CD58: variants seen among roughly 807,000 people sequenced by gnomAD.
CD58 encodes CD58 molecule.
A neutral mutation model predicts 27.6 loss-of-function variants in CD58; 14 were observed. The observed-to-expected ratio is 0.51, with a 90% CI of 0.34 to 0.79. The LOEUF (loss-of-function observed/expected upper bound fraction) is 0.79, where lower values mean the gene tolerates loss of function less well. CD58 is among the 30% of genes least tolerant of loss of function. The pLI is 0.02. For missense variants in CD58, 268 were observed against 301.7 expected (o/e 0.89, Z 0.83); for synonymous variants, 117 against 103.8 (o/e 1.13, Z -0.77).
intron 3 of CD58, among the ~76,000 whole-genome samples, chr1:116,525,236 C>T (rs1047021106): frequency 5.9e-5 from 9 of 152,204 alleles, no homozygotes; most frequent in Admixed American, 4.6e-4. Flanking sequence ...AATCTTTTTA[C>T]AGTCTCCACA....
rs574638673 is a variant in CD58 at position 116,541,468 on chromosome 1, G to A, written c.364+2843C>T. 6.6e-6 allele frequency among the ~76,000 whole-genome samples: 1 copy of A among 152,348 alleles called. No homozygotes were observed. The highest frequency in any genetic ancestry group is 2.4e-5 in the African/African-American group (1 of 41,594). ...GGCCATTAGAAAGTTCCACACAGAT[G>A]AGTGACATGATCTGACTTCTGTTTT... On this transcript the variant is annotated intron_variant, in intron 2 of 5. Transcript: ENST00000369489. This position sits in a 1 kb window ranked among gnomAD's most constrained non-coding sequence, Gnocchi z 5.3.
Position 116,552,657 on chromosome 1 carries a change from G to T in CD58, c.71-8053C>A, listed in dbSNP as rs1348867184. ...AATCTCCTTGAAATCAACTGGTATA[G>T]CTATACTTTATTCTTTTTAATAACT... On this transcript the variant is annotated intron_variant, in intron 1 of 5. Transcript: ENST00000369489. The surrounding 1 kb of genome is among the most constrained non-coding windows in gnomAD (Gnocchi z 4.5). Among the ~76,000 whole-genome samples, 1 of 152,138 alleles carries T rather than the reference G, an allele frequency of 6.6e-6. No individual in the cohort carries two copies. Among genetic ancestry groups the T allele is most frequent in the Non-Finnish European group, 1.5e-5 (1 of 68,034 alleles).
intron 2 of CD58, among the ~76,000 whole-genome samples, chr1:116,543,406 A>G (rs1012186511): frequency 5.3e-5 from 8 of 152,104 alleles, no homozygotes; most frequent in African/African-American, 1.9e-4. Flanking sequence ...AGAGGCGATC[A>G]AGGACAATAT....
rs1375123511 is a variant in CD58 at position 116,544,604 on chromosome 1, C to A, written c.71G>T (p.Gly24Val). 1.9e-6 allele frequency: 3 copies of A among 1,552,714 alleles called. No individual in the cohort carries two copies. The highest frequency in any genetic ancestry group is 2.2e-5 in the Admixed American group (1 of 46,170). ...LSVVCLLHCF[G>V]FISCFSQQIY... Reference sequence around the variant, plus strand: ...TTGTTGGGAAAAACAGCTGATGAAACCTAGGAGAGAAAAAAAAATTGGTTA... The same window carrying A: ...TTGTTGGGAAAAACAGCTGATGAAAACTAGGAGAGAAAAAAAAATTGGTTA... Residue 24 changes from glycine (G) to valine (V), a missense_variant and splice_region_variant, in exon 2 of 6, where the codon GGT (glycine) becomes GTT (valine). By Grantham distance (109) the Gly-to-Val change is moderately radical. Coordinates refer to ENST00000369489, the MANE Select transcript of CD58 (RefSeq NM_001779.3).
intron 1 of CD58, among the ~76,000 whole-genome samples, chr1:116,549,229 A>C (rs1658303807): frequency 6.6e-6 from 1 of 152,204 alleles, no homozygotes; most frequent in South Asian, 2.1e-4. Flanking sequence ...ACAATGCCCA[A>C]CTGCAACTGT....
At chr1:116,545,955 T>C (rs998773804) in intron 1 of CD58, among the ~76,000 whole-genome samples, 3 of 152,126 alleles carry the variant, frequency 2.0e-5, no homozygotes, top group African/African-American at 7.2e-5. Flanking sequence ...GGTGGTTGGA[T>C]TGCTTGAGTT....
rs1361934016 is a variant in CD58 at position 116,546,271 on chromosome 1, A to G, written c.71-1667T>C. Among the ~76,000 whole-genome samples the G allele has an allele frequency of 6.6e-6, 1 of 152,250 alleles. No individual in the cohort carries two copies. Among genetic ancestry groups the G allele is most frequent in the Admixed American group, 6.5e-5 (1 of 15,288 alleles). ...TAGTAGCAATTAGGGTAATTGAAATAATACAGGGGAAATCAAGAACACTGA... is the reference window on the plus strand; with the variant it reads ...TAGTAGCAATTAGGGTAATTGAAATGATACAGGGGAAATCAAGAACACTGA... On this transcript the variant is annotated intron_variant, in intron 1 of 5. Transcript: ENST00000369489. The surrounding 1 kb of genome is among the most constrained non-coding windows in gnomAD (Gnocchi z 4.1).
At chr1:116,565,714 GTTTTGTTT>G (rs761794366) in intron 1 of CD58, among the ~76,000 whole-genome samples, 3 of 149,064 alleles carry the variant, frequency 2.0e-5, no homozygotes, top group East Asian at 1.9e-4. Context: ...TTTTTGTTTT[GTTTTGTTT>G]TTTTGTTTTT....
At position 116,535,634 on chromosome 1, in the gene CD58, G is replaced by T. The variant is rs995923121; in HGVS notation, c.628+331C>A. Among the ~76,000 whole-genome samples, 2 of 99,084 alleles carry T rather than the reference G, an allele frequency of 2.0e-5. 1 individual carries two copies. The highest frequency in any genetic ancestry group is 1.0e-4 in the African/African-American group (2 of 20,010). The allele number at this position is 99,084 out of a possible 152,430, so 65.0% of individuals were successfully genotyped here. A position where few individuals can be genotyped will look rare whatever the true frequency, so the allele number is the denominator to read the frequency against. ...AGGCGGGCGGATCACGAGGTCAGGA[G>T]ATCGAGACCATCCTGGCTAACACGG... On this transcript the variant is annotated intron_variant, in intron 3 of 5. Coordinates refer to ENST00000369489, the MANE Select transcript of CD58 (RefSeq NM_001779.3).
In CD58 at chr1:116,563,114, T is replaced by C. The variant is rs1435142922; in HGVS notation, c.70+7789A>G. ...TATCCATTCCAAATGGGAGAAATTG[T>C]CCAAAACAAAAGGGCTACAGGCCCC... is the stretch of plus-strand genomic sequence containing the variant. On this transcript the variant is annotated intron_variant, in intron 1 of 5. Transcript: ENST00000369489. The surrounding 1 kb of genome is among the most constrained non-coding windows in gnomAD (Gnocchi z 4.1). 1.3e-5 allele frequency among the ~76,000 whole-genome samples: 2 copies of C among 152,148 alleles called. No homozygotes were observed. The highest frequency in any genetic ancestry group is 2.9e-5 in the Non-Finnish European group (2 of 68,034).
intron 1 of CD58, among the ~76,000 whole-genome samples, chr1:116,566,925 G>A (rs1375015003): frequency 6.6e-6 from 1 of 151,780 alleles, no homozygotes; most frequent in Admixed American, 6.6e-5. Flanking sequence ...GATTGCTTGA[G>A]CCCAGGAGTT....
Position 116,521,196 on chromosome 1 carries a change from AGATACTATCACTT to A in CD58, c.706+697_706+709del, listed in dbSNP as rs1264480658. Among the ~76,000 whole-genome samples, 1 of 152,202 alleles carries A rather than the reference AGATACTATCACTT, an allele frequency of 6.6e-6. No individual in the cohort carries two copies. Among genetic ancestry groups the A allele is most frequent in the African/African-American group, 2.4e-5 (1 of 41,452 alleles). On this transcript the variant is annotated intron_variant, in intron 4 of 5. Coordinates refer to ENST00000369489, the MANE Select transcript of CD58 (RefSeq NM_001779.3). The surrounding 1 kb of genome is among the most constrained non-coding windows in gnomAD (Gnocchi z 5.6). ...CTTGATTCATGACACAATGGATCCTAGATACTATCACTTGTAGAAAGTTTACTCTTCGGCATTC... is the reference window on the plus strand; with the variant it reads ...CTTGATTCATGACACAATGGATCCTAGTAGAAAGTTTACTCTTCGGCATTC...
chr1:116,570,919 G>T lies in CD58; in HGVS notation c.54C>A (p.Cys18Ter). Residue 18 changes from cysteine (C) to a stop codon, truncating the protein, a stop_gained, in exon 1 of 6, where the codon TGC becomes TGA. Coordinates refer to ENST00000369489, the MANE Select transcript of CD58 (RefSeq NM_001779.3). LOFTEE classifies it high-confidence loss of function. This position sits in a 1 kb window ranked among gnomAD's most constrained non-coding sequence, Gnocchi z 6.4. Reference protein sequence around the residue: ...GRALGVLSVVCLLHCFGFISC... With the variant: ...GRALGVLSVV ...TTCACTCACCAAAGCAGTGCAGCAG[G>T]CAGACCACGCTGAGGACCCCCAGGG... 1 of 1,567,446 alleles carries T rather than the reference G, an allele frequency of 6.4e-7. No homozygotes were observed.
chr1:116,544,621 A>G lies in CD58; in HGVS notation c.71-17T>C. On this transcript the variant is annotated splice_polypyrimidine_tract_variant and intron_variant, in intron 1 of 5. Transcript: ENST00000369489. ...TGATGAAACCTAGGAGAGAAAAAAAAATTGGTTAGAAAAAACAACATGACT... is the reference window on the plus strand; with the variant it reads ...TGATGAAACCTAGGAGAGAAAAAAAGATTGGTTAGAAAAAACAACATGACT... 6.5e-7 allele frequency: 1 copy of G among 1,539,686 alleles called. No homozygotes were observed. The highest frequency in any genetic ancestry group is 1.2e-5 in the South Asian group (1 of 80,550).
rs1657874865 is a variant in CD58, at chr1:116,538,016, C to CCCCATCT, written c.365-1795_365-1789dup. The stretch of plus-strand genomic sequence containing the variant: ...GAAAAATAAAAGCATTTAATGGTTC[C>CCCCATCT]CCCATCTTCTCCTCCTCCTGAATTC... On this transcript the variant is annotated intron_variant, in intron 2 of 5. Transcript: ENST00000369489. The surrounding 1 kb of genome is among the most constrained non-coding windows in gnomAD (Gnocchi z 4.7). Among the ~76,000 whole-genome samples, 1 of 151,984 alleles carries CCCCATCT rather than the reference C, an allele frequency of 6.6e-6. No homozygotes were observed. Among genetic ancestry groups the CCCCATCT allele is most frequent in the Non-Finnish European group, 1.5e-5 (1 of 67,990 alleles).
chr1:116,557,926 G>T lies in CD58; in HGVS notation c.70+12977C>A, dbSNP rs867952855. On this transcript the variant is annotated intron_variant, in intron 1 of 5. Coordinates refer to ENST00000369489, the MANE Select transcript of CD58 (RefSeq NM_001779.3). The surrounding 1 kb of genome is among the most constrained non-coding windows in gnomAD (Gnocchi z 5.2). ...TGGGCTCAAGTGATCCTCCTCCCTG[G>T]GCCTTCTGAAGTGCTGAGATTACAA... is the stretch of plus-strand genomic sequence containing the variant. Among the ~76,000 whole-genome samples, 1 of 151,880 alleles carries T rather than the reference G, an allele frequency of 6.6e-6. No homozygotes were observed. Among genetic ancestry groups the T allele is most frequent in the Non-Finnish European group, 1.5e-5 (1 of 67,986 alleles).
intron 1 of CD58, among the ~76,000 whole-genome samples, chr1:116,547,544 T>G (rs1020395481): frequency 6.6e-6 from 1 of 152,040 alleles, no homozygotes; most frequent in Non-Finnish European, 1.5e-5. Flanking sequence ...TTAGCCAGGA[T>G]GGTCTCGATC....
rs1210749128 is a variant in CD58, at chr1:116,541,250, G to T, written c.364+3061C>A. Among the ~76,000 whole-genome samples, 1 of 152,202 alleles carries T rather than the reference G, an allele frequency of 6.6e-6. No individual in the cohort carries two copies. Among genetic ancestry groups the T allele is most frequent in the African/African-American group, 2.4e-5 (1 of 41,452 alleles). On this transcript the variant is annotated intron_variant, in intron 2 of 5. Coordinates refer to ENST00000369489, the MANE Select transcript of CD58 (RefSeq NM_001779.3). This position sits in a 1 kb window ranked among gnomAD's most constrained non-coding sequence, Gnocchi z 5.3. The stretch of plus-strand genomic sequence containing the variant: ...AAATTCTGACTCAATCCTCTTGTTT[G>T]TTGGCCCTATCTATAAATTATCAGA...
rs1295169358 is a variant in CD58 at position 116,570,843 on chromosome 1, CCTGGG to C, written c.70+55_70+59del. On this transcript the variant is annotated intron_variant, in intron 1 of 5. Transcript: ENST00000369489. This position sits in a 1 kb window ranked among gnomAD's most constrained non-coding sequence, Gnocchi z 6.4. Reference sequence around the variant, plus strand: ...CCTCGAGCCCGGCGCGTCCACCCAGCCTGGGTGCTGCCCAGTACCCGCCGGCCGGC... The same window carrying C: ...CCTCGAGCCCGGCGCGTCCACCCAGCTGCTGCCCAGTACCCGCCGGCCGGC... 4 of 1,390,398 alleles carry C rather than the reference CCTGGG, an allele frequency of 2.9e-6. No homozygotes were observed. Among genetic ancestry groups the C allele is most frequent in the Admixed American group, 2.1e-5 (1 of 46,786 alleles). 86.1% of individuals were successfully genotyped at this position (1,390,398 alleles called of 1,614,324 possible). A position where few individuals can be genotyped will look rare whatever the true frequency, so the allele number is the denominator to read the frequency against.
Sources: gnomAD v4.1 joint callset for allele counts (sites outside exome capture counted in the v4.1 genomes callset) on GRCh38, gnomAD v4.1.1 for gene constraint, Gnocchi (gnomAD v3.1) non-coding constraint, MANE v1.5 for transcripts, NCBI Gene and HGNC (gene_info 2026-07-23, HGNC 2026-07-21) for gene names.